Variants in TMEM178B observed in about 807,000 individuals in gnomAD.
TMEM178B encodes transmembrane protein 178B.
In TMEM178B, 5 loss-of-function variants were observed where a neutral mutation model predicts 31.0. The observed-to-expected ratio is 0.16, with a 90% CI of 0.08 to 0.34. The LOEUF (loss-of-function observed/expected upper bound fraction) is 0.34. Ranked by LOEUF, TMEM178B falls within the 10% of genes least tolerant of loss-of-function variation. The probability of loss-of-function intolerance (pLI) is 1.00; values close to 1 mark genes in which losing one functional copy is unlikely to be tolerated. For synonymous variants in TMEM178B, 164 were observed against 164.0 expected, an observed-to-expected ratio of 1.00 and a Z score of 0.00; for missense variants, 275 against 400.3, an observed-to-expected ratio of 0.69 and a Z score of 2.67.
chr7:141,191,479 C>A (rs979623147), intron 1 of TMEM178B, among the ~76,000 whole-genome samples: 15 of 152,230 alleles, frequency 9.9e-5, no homozygotes, highest in African/African-American at 3.6e-4. Flanking sequence ...CGGCCACTCA[C>A]GACAGTGTCT....
intron 2 of TMEM178B, among the ~76,000 whole-genome samples, chr7:141,403,077 T>C (rs556705020): frequency 4.1e-4 from 63 of 152,360 alleles, no homozygotes; most frequent in Admixed American, 7.2e-4. Context: ...AAAGATTGGC[T>C]TTGAGGCCAC....
intron 1 of TMEM178B, among the ~76,000 whole-genome samples, chr7:141,180,527 A>G (rs951517750): frequency 6.6e-6 from 1 of 151,956 alleles, no homozygotes; most frequent in Non-Finnish European, 1.5e-5. Context: ...TCCATGCAAA[A>G]GTATGTCATT....
At chr7:141,289,452 A>G (rs1798505489) in intron 2 of TMEM178B, among the ~76,000 whole-genome samples, 1 of 152,210 alleles carries the variant, frequency 6.6e-6, no homozygotes, top group Non-Finnish European at 1.5e-5. Context: ...GTGGTGGTTC[A>G]TGCCTATAAT....
chr7:141,286,087 TATAATA>T (rs750611146), intron 2 of TMEM178B, among the ~76,000 whole-genome samples: 1 of 151,324 alleles, frequency 6.6e-6, no homozygotes, highest in African/African-American at 2.4e-5. Context: ...AACTTAAAAG[TATAATA>T]ATAATAATAA....
At chr7:141,192,591 A>T (rs573491552) in intron 1 of TMEM178B, among the ~76,000 whole-genome samples, 16 of 151,772 alleles carry the variant, frequency 1.1e-4, no homozygotes, top group African/African-American at 3.9e-4. Context: ...CAGCCTCCCG[A>T]ATAGCTGCGA....
In TMEM178B at chr7:141,139,907, A is replaced by G. The variant is rs573005444; in HGVS notation, c.382+65215A>G. Reference sequence around the variant, plus strand: ...CAGCCTCCCAAGTAGCTGGGATTACAGGTGGCCACCACCACACCCAGCTAA... The same window carrying G: ...CAGCCTCCCAAGTAGCTGGGATTACGGGTGGCCACCACCACACCCAGCTAA... On this transcript the variant is annotated intron_variant, in intron 1 of 3. Coordinates refer to ENST00000565468, the MANE Select transcript of TMEM178B (RefSeq NM_001195278.2). Among the ~76,000 whole-genome samples, 10 of 152,030 alleles carry G rather than the reference A, an allele frequency of 6.6e-5. No homozygotes were observed. In the South Asian group the frequency reaches 1.5e-3, roughly 22 times the overall value.
intron 2 of TMEM178B, among the ~76,000 whole-genome samples, chr7:141,269,141 A>T (rs1798140807): frequency 1.4e-5 from 2 of 144,966 alleles, no homozygotes. Context: ...CCCAGGCTGG[A>T]GTGCAGTGGC....
At chr7:141,111,560 T>A (rs754285665) in intron 1 of TMEM178B, among the ~76,000 whole-genome samples, 39 of 152,262 alleles carry the variant, frequency 2.6e-4, no homozygotes, top group Non-Finnish European at 1.0e-4. Flanking sequence ...CTTTCTTTGC[T>A]GACAATTCAT....
At chr7:141,337,110 C>CCACCACCAT (rs1312527025) in intron 2 of TMEM178B, among the ~76,000 whole-genome samples, 1 of 52,442 alleles carries the variant, frequency 1.9e-5, no homozygotes, top group Non-Finnish European at 3.4e-5. Flanking sequence ...ATCATCACCA[C>CCACCACCAT]CACCACCATC....
At chr7:141,217,976 G>T (rs1384856744) in intron 2 of TMEM178B, among the ~76,000 whole-genome samples, 1 of 152,010 alleles carries the variant, frequency 6.6e-6, no homozygotes, top group Non-Finnish European at 1.5e-5. Context: ...AGGACTGAGG[G>T]TTCAACTAAT....
intron 1 of TMEM178B, among the ~76,000 whole-genome samples, chr7:141,081,960 G>T (rs905839211): frequency 3.9e-5 from 6 of 152,082 alleles, no homozygotes; most frequent in African/African-American, 1.4e-4. Flanking sequence ...ACTGCATTTC[G>T]ACTGCATCTT....
At chr7:141,203,811 T>C (rs2129186673) in intron 1 of TMEM178B, among the ~76,000 whole-genome samples, 1 of 152,212 alleles carries the variant, frequency 6.6e-6, no homozygotes, top group South Asian at 2.1e-4. Flanking sequence ...GCCTCTGGCA[T>C]GTGGTCGGCA....
At chr7:141,328,393 T>G (rs1799235509) in intron 2 of TMEM178B, among the ~76,000 whole-genome samples, 1 of 152,194 alleles carries the variant, frequency 6.6e-6, no homozygotes, top group African/African-American at 2.4e-5. Flanking sequence ...TCCTTTCTTT[T>G]ACCTCTGGAG....
chr7:141,208,241 AG>A (rs1796997373), intron 1 of TMEM178B, among the ~76,000 whole-genome samples: 2 of 152,166 alleles, frequency 1.3e-5, no homozygotes, highest in African/African-American at 4.8e-5. Flanking sequence ...CAGGGGCCAC[AG>A]GAAGGAGCCA....
chr7:141,489,419 C>A, the TMEM178B span, among the ~76,000 whole-genome samples: 1 of 152,224 alleles, frequency 6.6e-6, no homozygotes, highest in Non-Finnish European at 1.5e-5. Context: ...TCTTCTCCAT[C>A]ATTTAATGAA....
At chr7:141,112,573 T>C (rs1171116815) in intron 1 of TMEM178B, among the ~76,000 whole-genome samples, 1 of 152,208 alleles carries the variant, frequency 6.6e-6, no homozygotes, top group Non-Finnish European at 1.5e-5. Context: ...TATTACTGGA[T>C]TAGAATTTAA....
intron 2 of TMEM178B, among the ~76,000 whole-genome samples, chr7:141,290,964 G>T (rs1338801732): frequency 6.6e-6 from 1 of 152,182 alleles, no homozygotes; most frequent in Non-Finnish European, 1.5e-5. Context: ...CCTACCCATC[G>T]CTGGCTGGCT....
At chr7:141,369,088 A>C (rs1483401269) in intron 2 of TMEM178B, among the ~76,000 whole-genome samples, 1 of 152,204 alleles carries the variant, frequency 6.6e-6, no homozygotes, top group East Asian at 1.9e-4. Context: ...AGCCATGGAA[A>C]GAAGTAAACA....
intron 2 of TMEM178B, among the ~76,000 whole-genome samples, chr7:141,220,410 T>C (rs1014203367): frequency 3.7e-4 from 57 of 152,018 alleles, no homozygotes; most frequent in African/African-American, 1.3e-3. Flanking sequence ...CCTACTTAGA[T>C]AGCTGGCCTG....
Sources: gnomAD v4.1 joint callset for allele counts (sites outside exome capture counted in the v4.1 genomes callset) on GRCh38, gnomAD v4.1.1 for gene constraint, MANE v1.5 for transcripts, NCBI Gene and HGNC (gene_info 2026-07-23, HGNC 2026-07-21) for gene names.